Variants in OCRL observed in about 807,000 individuals in gnomAD.
The protein encoded by OCRL is inositol polyphosphate 5-phosphatase OCRL.
A neutral mutation model predicts 78.9 loss-of-function variants in OCRL; 8 were observed. The ratio of observed to expected loss-of-function variants is 0.10; its 90% CI spans 0.06 to 0.18. OCRL has a LOEUF of 0.18. Ranked by LOEUF, OCRL falls within the 10% of genes least tolerant of loss-of-function variation. The pLI is 1.00. For missense variants in OCRL, 454 were observed against 696.7 expected (o/e 0.65, Z 3.92); for synonymous variants, 240 against 235.4 (o/e 1.02, Z -0.18).
chrX:129,567,607 C>T (rs1403998336), intron 14 of OCRL, among the ~76,000 whole-genome samples: 4 of 112,221 alleles, frequency 3.6e-5, no homozygotes, highest in African/African-American at 1.3e-4. Context: ...TTATGGGCTA[C>T]CTACAGTGCC....
intron 21 of OCRL, 98 bp from the exon 22 acceptor site, chrX:129,588,788 G>C (rs1034056668): frequency 9.8e-7 from 1 of 1,019,283 alleles, no homozygotes; most frequent in African/African-American, 1.9e-5. Context: ...AATAAGAGGA[G>C]GGAAACAGTC....
chrX:129,547,754 AT>A (rs1470108332), intron 3 of OCRL, among the ~76,000 whole-genome samples: 2 of 110,777 alleles, frequency 1.8e-5, no homozygotes, highest in Non-Finnish European at 3.8e-5. Context: ...CAAATAAACA[AT>A]TCAGTCTTGG....
In OCRL at chrX:129,558,865, A is replaced by G. The variant is rs368704920; in HGVS notation, c.586A>G (p.Asn196Asp). The G allele has an allele frequency of 1.2e-5, 15 of 1,212,081 alleles. No individual in the cohort carries two copies. Among genetic ancestry groups the G allele is most frequent in the Non-Finnish European group, 1.7e-5 (15 of 895,503 alleles). ...GCTTCCACGTGAAAAAGAAGCTTCT[A>G]ACAAGGAGCAGCCCAAAGTGACCAA... ...KMLPREKEAS[N>D]KEQPKVTNTM... is the part of the protein sequence containing the mutation. Residue 196 changes from asparagine to aspartate, a missense_variant, in exon 8 of 24, where the codon AAC (asparagine) becomes GAC (aspartate). Around this residue, in one of 2 missense-constraint regions of OCRL, gnomAD observed 177 missense variants for 179.6 expected, o/e 0.99. Transcript: ENST00000371113.
intron 14 of OCRL, among the ~76,000 whole-genome samples, chrX:129,567,608 C>G (rs1452059098): frequency 8.9e-6 from 1 of 112,243 alleles, no homozygotes; most frequent in Admixed American, 9.4e-5. Context: ...TATGGGCTAC[C>G]TACAGTGCCT....
At position 129,590,654 on chromosome X, in the gene OCRL, A is replaced by T; in HGVS notation, c.*384A>T. ...TAGGCCTACAAGCACTACTTGCTGT[A>T]GCTGAGACTTGTCTAGAGTCCTTTG... On this transcript the variant is annotated 3_prime_UTR_variant, in exon 24 of 24. Transcript: ENST00000371113. The T allele has an allele frequency of 8.7e-6, 2 of 229,625 alleles. No individual in the cohort carries two copies. The highest frequency in any genetic ancestry group is 1.1e-4 in the South Asian group (2 of 18,464). 18.9% of individuals were successfully genotyped at this position (229,625 alleles called of 1,213,427 possible).
intron 4 of OCRL, among the ~76,000 whole-genome samples, chrX:129,549,051 G>T (rs1360552494): frequency 9.1e-6 from 1 of 109,557 alleles, no homozygotes; most frequent in African/African-American, 3.3e-5. Flanking sequence ...TTTATTTGTT[G>T]TATTTTTTTG....
At chrX:129,548,477 A>G in intron 3 of OCRL, 86 bp from the exon 4 acceptor site, 1 of 687,007 alleles carries the variant, frequency 1.5e-6, no homozygotes, top group Non-Finnish European at 2.4e-6. Flanking sequence ...TGAGAGAAGC[A>G]GTTATTTAGT....
chrX:129,573,325 T>A (rs1936326040), intron 15 of OCRL, among the ~76,000 whole-genome samples: 1 of 111,889 alleles, frequency 8.9e-6, no homozygotes. Context: ...CAACCCATCA[T>A]CTAGGTTTTA....
intron 12 of OCRL, among the ~76,000 whole-genome samples, chrX:129,564,371 G>A (rs1447323069): frequency 9.1e-6 from 1 of 110,177 alleles, no homozygotes; most frequent in African/African-American, 3.3e-5. Context: ...CCATTACTGG[G>A]TATATACCCA....
At chrX:129,575,824 C>T (rs1354958442) in intron 16 of OCRL, 73 bp from the exon 17 acceptor site, 6 of 1,122,399 alleles carry the variant, frequency 5.3e-6, no homozygotes, top group Non-Finnish European at 7.3e-6. Flanking sequence ...TCCTCATATC[C>T]TCTATGGAAT....
At chrX:129,567,145 G>T (rs761577696) in intron 13 of OCRL, 109 bp from the exon 14 acceptor site, 87 of 550,448 alleles carry the variant, frequency 1.6e-4, no homozygotes, top group African/African-American at 1.3e-3. Flanking sequence ...CAGTTGTAAA[G>T]GTTGTGGAAC....
At chrX:129,586,088 T>TA (rs1936509308) in intron 19 of OCRL, among the ~76,000 whole-genome samples, 2 of 111,833 alleles carry the variant, frequency 1.8e-5, no homozygotes, top group Non-Finnish European at 3.8e-5. Context: ...GTGCCTTTAC[T>TA]ATTTCAAACA....
chrX:129,571,970 G>T (rs1936308196), intron 15 of OCRL, among the ~76,000 whole-genome samples: 1 of 111,702 alleles, frequency 9.0e-6, no homozygotes, highest in Non-Finnish European at 1.9e-5. Flanking sequence ...TTTCTGTGAT[G>T]ATGGAAATGT....
chrX:129,547,742 G>A lies in OCRL; in HGVS notation c.200-821G>A, dbSNP rs771467066. 1.0e-3 allele frequency among the ~76,000 whole-genome samples: 111 copies of A among 110,838 alleles called. 1 individual carries two copies. The highest frequency in any genetic ancestry group is 3.4e-3 in the African/African-American group (104 of 30,471). On this transcript the variant is annotated intron_variant, in intron 3 of 23. Coordinates refer to ENST00000371113, the MANE Select transcript of OCRL (RefSeq NM_000276.4). Reference sequence around the variant, plus strand: ...GCTTCTGTTGTACCTGAGTAATGGAGCCAAATAAACAATTCAGTCTTGGGA... The same window carrying A: ...GCTTCTGTTGTACCTGAGTAATGGAACCAAATAAACAATTCAGTCTTGGGA...
intron 22 of OCRL, chrX:129,589,466 G>A (rs957270432): frequency 3.5e-6 from 1 of 283,609 alleles, no homozygotes; most frequent in Non-Finnish European, 6.4e-6. Flanking sequence ...CATGCTAAGT[G>A]ACATTGTAAA....
chrX:129,555,035 T>G (rs923728533), intron 4 of OCRL, among the ~76,000 whole-genome samples: 6 of 110,244 alleles, frequency 5.4e-5, no homozygotes, highest in Non-Finnish European at 7.6e-5. Flanking sequence ...GTGCTCCTCC[T>G]AGGGACCAGC....
At position 129,583,991 on chromosome X, in the gene OCRL, T is replaced by C. The variant is rs151205596; in HGVS notation, c.2116-353T>C. Among the ~76,000 whole-genome samples the C allele has an allele frequency of 7.4e-3, 812 of 110,422 alleles. 7 individuals carry two copies. Among genetic ancestry groups the C allele is most frequent in the African/African-American group, 0.026 (777 of 30,302 alleles). ...TTGGGCCCACAGCCATATTCTTTCA[T>C]TGAGGTATATACCTCAATGCACCTG... On this transcript the variant is annotated intron_variant, in intron 18 of 23. Coordinates refer to ENST00000371113, the MANE Select transcript of OCRL (RefSeq NM_000276.4).
chrX:129,576,247 G>A (rs886747114), intron 17 of OCRL, 70 bp from the exon 18 acceptor site: 2 of 1,029,802 alleles, frequency 1.9e-6, no homozygotes, highest in Admixed American at 2.2e-5. Flanking sequence ...TTTTCTGTTG[G>A]TTCTTATACT....
intron 20 of OCRL, 23 bp downstream of exon 20, chrX:129,587,141 T>C: frequency 1.0e-6 from 1 of 971,559 alleles, no homozygotes. Context: ...AGACCTTCCC[T>C]ACAACTTTGG....
Sources: gnomAD v4.1 joint callset for allele counts (sites outside exome capture counted in the v4.1 genomes callset) on GRCh38, gnomAD v4.1.1 for gene constraint, gnomAD v4.1.1 regional missense constraint, MANE v1.5 for transcripts, NCBI Gene and HGNC (gene_info 2026-07-23, HGNC 2026-07-21) for gene names.